The following HTR2C variants were observed in gnomAD, a reference collection of about 807,000 sequenced individuals.
HTR2C encodes the protein 5-hydroxytryptamine receptor 2C.
HTR2C carries 5 observed loss-of-function variants against 21.0 expected under a neutral mutation model. The observed-to-expected ratio is 0.24, with a 90% CI of 0.12 to 0.50. The LOEUF (loss-of-function observed/expected upper bound fraction) is 0.50, where lower values mean the gene tolerates loss of function less well. HTR2C is among the 20% of genes least tolerant of loss of function. The probability of loss-of-function intolerance (pLI) is 0.98; values close to 1 mark genes in which losing one functional copy is unlikely to be tolerated. For missense variants in HTR2C, 271 were observed against 371.2 expected (o/e 0.73, Z 2.22); for synonymous variants, 150 against 145.3 (o/e 1.03, Z -0.23).
At chrX:114,679,439 T>C (rs1360604459) in intron 2 of HTR2C, among the ~76,000 whole-genome samples, 1 of 109,885 alleles carries the variant, frequency 9.1e-6, no homozygotes, top group Non-Finnish European at 1.9e-5. Context: ...CTACCATGCC[T>C]GGCTAATTGT....
chrX:114,649,268 GATATTA>G (rs782531067), intron 2 of HTR2C, among the ~76,000 whole-genome samples: 6 of 112,357 alleles, frequency 5.3e-5, no homozygotes, highest in Non-Finnish European at 9.4e-5. Flanking sequence ...TTATTCAGAA[GATATTA>G]ATAGTTGGGA....
chrX:114,830,566 G>A (rs2070713217), intron 4 of HTR2C, among the ~76,000 whole-genome samples: 1 of 110,236 alleles, frequency 9.1e-6, no homozygotes, highest in Non-Finnish European at 1.9e-5. Context: ...AGACCTGAAA[G>A]ACTTTTAATT....
At chrX:114,799,417 C>T (rs2070324932) in intron 4 of HTR2C, among the ~76,000 whole-genome samples, 1 of 108,751 alleles carries the variant, frequency 9.2e-6, no homozygotes, top group Admixed American at 1.0e-4. Flanking sequence ...TTGTGAGTTA[C>T]AAAGAGTTAG....
intron 5 of HTR2C, among the ~76,000 whole-genome samples, chrX:114,878,388 A>T (rs942638018): frequency 4.5e-5 from 5 of 111,080 alleles, no homozygotes; most frequent in African/African-American, 6.5e-5. Flanking sequence ...ACTATAAAGT[A>T]TAAATTTTGT....
At chrX:114,618,126 T>C (rs187834407) in intron 2 of HTR2C, among the ~76,000 whole-genome samples, 2 of 112,263 alleles carry the variant, frequency 1.8e-5, no homozygotes, top group East Asian at 5.6e-4. Flanking sequence ...AAAGAACTGA[T>C]TATCGTAATT....
chrX:114,896,887 T>G (rs2071300670), intron 5 of HTR2C, among the ~76,000 whole-genome samples: 1 of 111,885 alleles, frequency 8.9e-6, no homozygotes, highest in African/African-American at 3.2e-5. Context: ...TTACTATTCA[T>G]TTTCTTTTTG....
intron 2 of HTR2C, among the ~76,000 whole-genome samples, chrX:114,725,525 C>T (rs1933423385): frequency 8.9e-6 from 1 of 112,451 alleles, no homozygotes; most frequent in Admixed American, 9.4e-5. Context: ...TCGTCAAAGT[C>T]ATTCTCCATC....
intron 5 of HTR2C, among the ~76,000 whole-genome samples, chrX:114,853,713 A>G (rs1453226521): frequency 9.0e-6 from 1 of 111,672 alleles, no homozygotes; most frequent in Non-Finnish European, 1.9e-5. Flanking sequence ...TCAAATGCCA[A>G]TTTCACACTT....
chrX:114,791,001 A>C (rs972817610), intron 4 of HTR2C, among the ~76,000 whole-genome samples: 1 of 111,227 alleles, frequency 9.0e-6, no homozygotes, highest in African/African-American at 3.3e-5. Flanking sequence ...CTGTCTCCAA[A>C]AAAAAAAAAG....
intron 5 of HTR2C, among the ~76,000 whole-genome samples, chrX:114,873,858 A>G (rs1556477258): frequency 9.0e-6 from 1 of 111,275 alleles, no homozygotes. Flanking sequence ...TGTTAACTAT[A>G]ATTGCCATTC....
At chrX:114,675,052 C>A (rs1931505003) in intron 2 of HTR2C, among the ~76,000 whole-genome samples, 1 of 112,301 alleles carries the variant, frequency 8.9e-6, no homozygotes, top group African/African-American at 3.2e-5. Flanking sequence ...TTTGCTTCTA[C>A]ATTGTGTCTA....
intron 2 of HTR2C, among the ~76,000 whole-genome samples, chrX:114,652,923 T>A (rs782721544): frequency 9.5e-6 from 1 of 105,367 alleles, no homozygotes; most frequent in East Asian, 2.9e-4. Context: ...TGGGATTTAG[T>A]AAGAATCAAG....
At chrX:114,774,782 A>T (rs782022617) in intron 4 of HTR2C, 1 of 336,761 alleles carries the variant, frequency 3.0e-6, no homozygotes, top group Non-Finnish European at 5.3e-6. Flanking sequence ...AGGTCCTTCA[A>T]TGTTTTAAAT....
chrX:114,781,397 G>GT lies in HTR2C; in HGVS notation c.349+49790_349+49791insT, dbSNP rs1265316580. On this transcript the variant is annotated intron_variant, in intron 4 of 5. Coordinates refer to ENST00000276198, the MANE Select transcript of HTR2C (RefSeq NM_000868.4). ...TGTAGTCCTACCTACTTGAGAGGCT[G>GT]AAGTGGGAGGATCCGTTCAGCCCAG... Among the ~76,000 whole-genome samples the GT allele has an allele frequency of 9.0e-5, 10 of 111,172 alleles. No homozygotes were observed. In the East Asian group the frequency reaches 2.6e-3, roughly 29 times the overall value.
chrX:114,864,020 A>G (rs1467338960), intron 5 of HTR2C, among the ~76,000 whole-genome samples: 1 of 109,256 alleles, frequency 9.2e-6, no homozygotes, highest in East Asian at 2.9e-4. Context: ...CAGCCTGTGT[A>G]TGTCTTTAAA....
At chrX:114,784,820 C>T (rs1434917218) in intron 4 of HTR2C, among the ~76,000 whole-genome samples, 2 of 109,891 alleles carry the variant, frequency 1.8e-5, no homozygotes, top group Admixed American at 2.0e-4. Flanking sequence ...GGGGTTTCAC[C>T]GCGTTAGCCA....
At chrX:114,758,314 A>G (rs1240176568) in intron 4 of HTR2C, among the ~76,000 whole-genome samples, 1 of 111,034 alleles carries the variant, frequency 9.0e-6, no homozygotes, top group East Asian at 2.8e-4. Flanking sequence ...GCAATCTCAG[A>G]GGTTTGGGAG....
chrX:114,874,009 G>A (rs1396728521), intron 5 of HTR2C, among the ~76,000 whole-genome samples: 14 of 106,354 alleles, frequency 1.3e-4, no homozygotes, highest in Admixed American at 3.0e-4. Flanking sequence ...CTTAGATTCC[G>A]CAAATAAGTG....
chrX:114,847,241 G>A (rs1425595452), intron 4 of HTR2C, among the ~76,000 whole-genome samples: 1 of 108,734 alleles, frequency 9.2e-6, no homozygotes, highest in Non-Finnish European at 1.9e-5. Context: ...TATACACCAT[G>A]GAATACTATG....
Sources: gnomAD v4.1 joint callset for allele counts (sites outside exome capture counted in the v4.1 genomes callset) on GRCh38, gnomAD v4.1.1 for gene constraint, MANE v1.5 for transcripts, NCBI Gene and HGNC (gene_info 2026-07-23, HGNC 2026-07-21) for gene names.